UVRAG: variants seen among roughly 807,000 people sequenced by gnomAD.
UVRAG encodes the protein UV radiation resistance-associated gene protein.
Under a neutral mutation model 78.0 loss-of-function variants are expected in UVRAG, and 19 were observed. The ratio of observed to expected loss-of-function variants is 0.24; its 90% CI spans 0.17 to 0.36. The LOEUF (loss-of-function observed/expected upper bound fraction) is 0.36. Among genes scored for constraint, UVRAG ranks in the 10% least tolerant of loss-of-function variants. The pLI is 1.00. For synonymous variants in UVRAG, 323 were observed against 324.6 expected (o/e 1.00, Z 0.05); for missense variants, 740 against 853.8 (o/e 0.87, Z 1.66).
intron 5 of UVRAG, among the ~76,000 whole-genome samples, chr11:75,894,770 C>T (rs1175719635): frequency 6.8e-6 from 1 of 146,968 alleles, no homozygotes; most frequent in Non-Finnish European, 1.5e-5. Context: ...TTGAGACCAG[C>T]CTGGGCAACA....
At chr11:76,123,470 A>C (rs1289271015) in intron 14 of UVRAG, among the ~76,000 whole-genome samples, 1 of 152,196 alleles carries the variant, frequency 6.6e-6, no homozygotes, top group African/African-American at 2.4e-5. Flanking sequence ...ATTTGCCCGT[A>C]GTGTTTGTGG....
At chr11:75,835,783 A>G (rs1945761887) in intron 1 of UVRAG, among the ~76,000 whole-genome samples, 1 of 152,146 alleles carries the variant, frequency 6.6e-6, no homozygotes, top group African/African-American at 2.4e-5. Context: ...AGTATAACAG[A>G]TCTCTGAAGG....
chr11:76,125,981 GCT>G (rs1042795699), intron 14 of UVRAG, among the ~76,000 whole-genome samples: 9 of 142,562 alleles, frequency 6.3e-5, no homozygotes, highest in East Asian at 4.0e-4. Flanking sequence ...ACAGAGTCTC[GCT>G]CTGTCACCCA....
Position 76,141,545 on chromosome 11 carries a change from T to C in UVRAG, c.*132T>C. Reference sequence around the variant, plus strand: ...AGGATATTCCTCGGAAAAACAGACTTTGGGAATGAAGGAGGGACTCAGGAT... The same window carrying C: ...AGGATATTCCTCGGAAAAACAGACTCTGGGAATGAAGGAGGGACTCAGGAT... On this transcript the variant is annotated 3_prime_UTR_variant, in exon 15 of 15. Coordinates refer to ENST00000356136, the MANE Select transcript of UVRAG (RefSeq NM_003369.4). The C allele has an allele frequency of 2.1e-6, 2 of 960,620 alleles. No homozygotes were observed. The highest frequency in any genetic ancestry group is 3.0e-6 in the Non-Finnish European group (2 of 665,208). The allele number at this position is 960,620 out of a possible 1,614,324, so 59.5% of individuals were successfully genotyped here.
intron 1 of UVRAG, among the ~76,000 whole-genome samples, chr11:75,838,464 A>G (rs1384968915): frequency 6.6e-6 from 1 of 151,958 alleles, no homozygotes; most frequent in African/African-American, 2.4e-5. Flanking sequence ...CAGCCTCCCA[A>G]GTAGGTGGGT....
intron 13 of UVRAG, among the ~76,000 whole-genome samples, chr11:76,095,920 T>C (rs1203652271): frequency 1.3e-5 from 2 of 150,652 alleles, no homozygotes; most frequent in Non-Finnish European, 2.9e-5. Context: ...CCACCTCTGC[T>C]TTTACTGAGT....
At chr11:76,062,460 A>G (rs1951112429) in intron 12 of UVRAG, among the ~76,000 whole-genome samples, 1 of 152,148 alleles carries the variant, frequency 6.6e-6, no homozygotes, top group Non-Finnish European at 1.5e-5. Context: ...TGTAACGCAT[A>G]TACCATTCAC....
intron 3 of UVRAG, among the ~76,000 whole-genome samples, chr11:75,868,977 C>A (rs553753814): frequency 6.6e-6 from 1 of 152,178 alleles, no homozygotes; most frequent in African/African-American, 2.4e-5. Flanking sequence ...TAAGTACCCA[C>A]CTATGATTGA....
chr11:75,965,206 C>A (rs898130393), intron 7 of UVRAG, among the ~76,000 whole-genome samples: 7 of 152,182 alleles, frequency 4.6e-5, no homozygotes, highest in African/African-American at 1.4e-4. Context: ...AATAGTGGGT[C>A]CTTCAATCCG....
At position 75,928,939 on chromosome 11, in the gene UVRAG, C is replaced by CAAAAA. The variant is rs368913080; in HGVS notation, c.593+16921_593+16925dup. ...CCTGGGCGACAGAGCGAGACTGTCTCAAAAAAAAAAAAAAAAAAAAAAAAA... is the reference window on the plus strand; with the variant it reads ...CCTGGGCGACAGAGCGAGACTGTCTCAAAAAAAAAAAAAAAAAAAAAAAAAAAAAA... On this transcript the variant is annotated intron_variant, in intron 6 of 14. Transcript: ENST00000356136. Among the ~76,000 whole-genome samples, 47 of 67,432 alleles carry CAAAAA rather than the reference C, an allele frequency of 7.0e-4. 1 individual carries two copies. Among genetic ancestry groups the CAAAAA allele is most frequent in the Admixed American group, 1.2e-3 (5 of 4,044 alleles). The allele number at this position is 67,432 out of a possible 152,430, so 44.2% of individuals were successfully genotyped here. A position where few individuals can be genotyped will look rare whatever the true frequency, so the allele number is the denominator to read the frequency against.
chr11:75,940,407 A>C (rs1220660780), intron 6 of UVRAG, among the ~76,000 whole-genome samples: 1 of 152,200 alleles, frequency 6.6e-6, no homozygotes, highest in African/African-American at 2.4e-5. Context: ...AAAATGATTT[A>C]CTATACTATC....
chr11:76,041,054 A>G (rs1950639602), intron 12 of UVRAG, among the ~76,000 whole-genome samples: 1 of 152,228 alleles, frequency 6.6e-6, no homozygotes, highest in Admixed American at 6.5e-5. Context: ...TAGCACATAA[A>G]TAGCAAAAAA....
At chr11:75,859,941 A>G (rs1946381130) in intron 2 of UVRAG, among the ~76,000 whole-genome samples, 2 of 152,162 alleles carry the variant, frequency 1.3e-5, no homozygotes. Context: ...GCCAGGTAAC[A>G]AAGTTTTATT....
At chr11:76,045,411 A>C (rs1464540770) in intron 12 of UVRAG, among the ~76,000 whole-genome samples, 1 of 152,218 alleles carries the variant, frequency 6.6e-6, no homozygotes, top group Non-Finnish European at 1.5e-5. Context: ...AAAATGATTA[A>C]CCAAAGAATT....
chr11:75,881,255 C>T (rs1035265767), intron 4 of UVRAG, among the ~76,000 whole-genome samples: 2 of 152,136 alleles, frequency 1.3e-5, no homozygotes, highest in African/African-American at 4.8e-5. Flanking sequence ...AAGACGTGCC[C>T]AAGGTGGTTG....
intron 1 of UVRAG, among the ~76,000 whole-genome samples, chr11:75,826,160 C>CT (rs1219755767): frequency 5.4e-5 from 8 of 148,708 alleles, no homozygotes; most frequent in East Asian, 2.0e-4. Flanking sequence ...GTTTTCTTTC[C>CT]TTTTTTTTTC....
Position 75,888,889 on chromosome 11 carries a change from C to T in UVRAG, c.493C>T (p.Pro165Ser), listed in dbSNP as rs747024683. ...FGLNDGYYGA[P>S]FEHKGYSNAQ... ...GCTGAATGATGGATACTATGGTGCT[C>T]CATTTGAACATAAGGTAAGAAGATC... Residue 165 changes from proline (P) to serine (S), a missense_variant, in exon 5 of 15, where the codon CCA becomes TCA. Transcript: ENST00000356136. 1 of 1,612,460 alleles carries T rather than the reference C, an allele frequency of 6.2e-7. No individual in the cohort carries two copies. The highest frequency in any genetic ancestry group is 8.5e-7 in the Non-Finnish European group (1 of 1,179,408).
At position 76,046,755 on chromosome 11, in the gene UVRAG, C is replaced by T. The variant is rs115001659; in HGVS notation, c.1227-18955C>T. Reference sequence around the variant, plus strand: ...TAGATCATTTTTAAAGCCATAGGGTCGAGAAACAGGAATAAAAGGATATTA... The same window carrying T: ...TAGATCATTTTTAAAGCCATAGGGTTGAGAAACAGGAATAAAAGGATATTA... On this transcript the variant is annotated intron_variant, in intron 12 of 14. Transcript: ENST00000356136. 3.1e-3 allele frequency among the ~76,000 whole-genome samples: 467 copies of T among 151,568 alleles called. 6 individuals are homozygous for T. The highest frequency in any genetic ancestry group is 0.011 in the African/African-American group (443 of 41,242).
chr11:75,943,705 C>T (rs892582714), intron 6 of UVRAG, among the ~76,000 whole-genome samples: 4 of 152,122 alleles, frequency 2.6e-5, no homozygotes, highest in African/African-American at 9.7e-5. Flanking sequence ...TGCTTTCACA[C>T]CACCTACCAT....
Sources: gnomAD v4.1 joint callset for allele counts (sites outside exome capture counted in the v4.1 genomes callset) on GRCh38, gnomAD v4.1.1 for gene constraint, MANE v1.5 for transcripts, NCBI Gene and HGNC (gene_info 2026-07-23, HGNC 2026-07-21) for gene names.